CEP192: variants seen among roughly 807,000 people sequenced by gnomAD.
The protein encoded by CEP192 is centrosomal protein of 192 kDa.
In CEP192, 151 loss-of-function variants were observed where a neutral mutation model predicts 271.8. That is an observed-to-expected ratio of 0.56 (90% CI 0.49 to 0.64). The LOEUF is 0.64. Among genes scored for constraint, CEP192 ranks in the 30% least tolerant of loss-of-function variants. The pLI is 0.00. For synonymous variants in CEP192, 995 were observed against 1,076.5 expected, an observed-to-expected ratio of 0.92 and a Z score of 1.48; for missense variants, 2,910 against 3,020.5, an observed-to-expected ratio of 0.96 and a Z score of 0.86.
At chr18:13,070,528 T>C (rs752959962) in intron 27 of CEP192, among the ~76,000 whole-genome samples, 81 of 152,344 alleles carry the variant, frequency 5.3e-4, no homozygotes, top group African/African-American at 1.9e-3. Flanking sequence ...GGCACCCAAA[T>C]CATAAGTGAA....
intron 9 of CEP192, 74 bp downstream of exon 9, chr18:13,019,280 T>C: frequency 1.6e-6 from 2 of 1,250,940 alleles, no homozygotes; most frequent in Non-Finnish European, 2.1e-6. Flanking sequence ...ATGATATCAG[T>C]TTTTTTCAAA....
At chr18:13,067,729 C>T in intron 21 of CEP192, 102 bp from the exon 22 acceptor site, 1 of 916,050 alleles carries the variant, frequency 1.1e-6, no homozygotes, top group South Asian at 1.9e-5. Context: ...TTACTTACTG[C>T]TGACTCATAA....
At chr18:13,012,352 C>T (rs929820603) in intron 4 of CEP192, among the ~76,000 whole-genome samples, 2 of 152,158 alleles carry the variant, frequency 1.3e-5, no homozygotes, top group Non-Finnish European at 2.9e-5. Flanking sequence ...AAGATTTTGT[C>T]ATACTTGCAT....
chr18:13,066,511 C>T (rs938879427), intron 21 of CEP192, among the ~76,000 whole-genome samples: 21 of 152,096 alleles, frequency 1.4e-4, no homozygotes, highest in African/African-American at 4.6e-4. Context: ...AATGATGTGT[C>T]CTAGTCTTTG....
chr18:13,020,726 A>G (rs747587335), intron 9 of CEP192, among the ~76,000 whole-genome samples: 1 of 152,196 alleles, frequency 6.6e-6, no homozygotes, highest in Non-Finnish European at 1.5e-5. Context: ...TCCACATCCT[A>G]TTTAACACTC....
intron 1 of CEP192, among the ~76,000 whole-genome samples, chr18:12,996,441 G>A (rs2033245358): frequency 1.3e-5 from 2 of 152,180 alleles, no homozygotes; most frequent in Admixed American, 1.3e-4. Flanking sequence ...AGATTCAAAT[G>A]TAGGTGCTTG....
chr18:13,001,622 T>C (rs1179749890), intron 3 of CEP192, 40 bp downstream of exon 3: 2 of 1,513,050 alleles, frequency 1.3e-6, no homozygotes, highest in African/African-American at 2.8e-5. Flanking sequence ...GTGTTAAAAG[T>C]GGGTCTTACG....
intron 21 of CEP192, among the ~76,000 whole-genome samples, chr18:13,060,681 G>C (rs1450474518): frequency 6.6e-6 from 1 of 151,896 alleles, no homozygotes; most frequent in Non-Finnish European, 1.5e-5. Flanking sequence ...CCAGCACTTT[G>C]AGAGGTCAAG....
chr18:13,026,636 C>T (rs2035318450), intron 9 of CEP192, among the ~76,000 whole-genome samples: 2 of 152,294 alleles, frequency 1.3e-5, no homozygotes, highest in Middle Eastern at 3.4e-3. Context: ...TCCTGGAGCT[C>T]AGAGTATCTT....
chr18:13,066,691 A>G (rs1415188099), intron 21 of CEP192, among the ~76,000 whole-genome samples: 1 of 152,148 alleles, frequency 6.6e-6, no homozygotes, highest in Non-Finnish European at 1.5e-5. Context: ...TGTTGACTCC[A>G]TAGACATGTG....
At chr18:13,034,522 C>T (rs1481944591) in intron 11 of CEP192, among the ~76,000 whole-genome samples, 3 of 152,024 alleles carry the variant, frequency 2.0e-5, no homozygotes, top group Non-Finnish European at 4.4e-5. Context: ...AGAGAGCCTG[C>T]CTCGGCCGGG....
chr18:13,022,141 C>T (rs768739000), intron 9 of CEP192, among the ~76,000 whole-genome samples: 10 of 152,100 alleles, frequency 6.6e-5, no homozygotes, highest in African/African-American at 1.4e-4. Flanking sequence ...TTTGCTTCAT[C>T]GTGTTGCCAT....
chr18:13,115,545 G>T (rs961929782), intron 42 of CEP192, among the ~76,000 whole-genome samples: 2 of 152,046 alleles, frequency 1.3e-5, no homozygotes, highest in African/African-American at 4.8e-5. Context: ...CCCTAGCTGT[G>T]GTATGACTGA....
In CEP192 at chr18:13,071,282, T is replaced by C. The variant is rs2037998551; in HGVS notation, c.5348+70T>C. ...TTGGAGCAGACTACAAATTAATGTTTGCAGGAAAATTTTGTCATAATAGAC... is the reference window on the plus strand; with the variant it reads ...TTGGAGCAGACTACAAATTAATGTTCGCAGGAAAATTTTGTCATAATAGAC... On this transcript the variant is annotated intron_variant, in intron 28 of 44. Transcript: ENST00000506447. 5.8e-6 allele frequency: 8 copies of C among 1,390,336 alleles called. No individual in the cohort carries two copies. The Admixed American group carries it at 9.0e-5, about 16-fold the overall frequency. 86.1% of individuals were successfully genotyped at this position (1,390,336 alleles called of 1,614,324 possible). A position where few individuals can be genotyped will look rare whatever the true frequency, so the allele number is the denominator to read the frequency against.
At chr18:13,118,905 G>C (rs1003193982) in intron 44 of CEP192, among the ~76,000 whole-genome samples, 1 of 152,148 alleles carries the variant, frequency 6.6e-6, no homozygotes, top group Non-Finnish European at 1.5e-5. Context: ...TTTATTATCA[G>C]TGTGTCTTCA....
At chr18:13,107,520 C>G (rs1248166876) in intron 40 of CEP192, among the ~76,000 whole-genome samples, 2 of 152,182 alleles carry the variant, frequency 1.3e-5, no homozygotes, top group East Asian at 3.8e-4. Flanking sequence ...TTTTCATTAG[C>G]TCCAAACTAT....
rs377562918 is a variant in CEP192, at chr18:13,056,641, T to A, written c.4051T>A (p.Ser1351Thr). The A allele has an allele frequency of 8.1e-6, 13 of 1,613,808 alleles. No individual in the cohort carries two copies. The East Asian group carries it at 2.5e-4, about 30-fold the overall frequency. The part of the protein sequence containing the change: ...LSTTKPFPVP[S>T]VGTNCGIEPW... ...CACAACAAAACCTTTTCCTGTGCCG[T>A]CTGTTGGTACAAACTGTGGAATTGA... The change falls in exon 19 of 45, where the codon TCT (serine) becomes ACT (threonine). Residue 1351 changes from serine (S) to threonine (T), a missense_variant. Ser to Thr is a moderately conservative substitution (Grantham distance 58, BLOSUM62 1). Coordinates refer to ENST00000506447, the MANE Select transcript of CEP192 (RefSeq NM_032142.4).
chr18:13,113,764 A>C lies in CEP192; in HGVS notation c.7167+59A>C, dbSNP rs1008252418. 6.8e-6 allele frequency: 10 copies of C among 1,470,484 alleles called. No individual in the cohort carries two copies. In the African/African-American group the frequency reaches 1.3e-4, roughly 19 times the overall value. 91.1% of individuals were successfully genotyped at this position (1,470,484 alleles called of 1,614,324 possible). ...TATGTATTTTAAAAACAGAAAGGGA[A>C]ATTAATAAGAAAAGTTGGCCTGAAA... On this transcript the variant is annotated intron_variant, in intron 41 of 44. Coordinates refer to ENST00000506447, the MANE Select transcript of CEP192 (RefSeq NM_032142.4).
At chr18:13,050,532 T>G (rs1373818800) in intron 17 of CEP192, among the ~76,000 whole-genome samples, 1 of 152,134 alleles carries the variant, frequency 6.6e-6, no homozygotes, top group African/African-American at 2.4e-5. Flanking sequence ...TGAAACACTT[T>G]CATATACATA....
Sources: allele counts gnomAD v4.1 joint callset (sites outside exome capture counted in the v4.1 genomes callset), GRCh38; gene constraint gnomAD v4.1.1; transcripts MANE v1.5; gene names NCBI Gene and HGNC (gene_info 2026-07-23, HGNC 2026-07-21).